The following CLVS1 variants were observed in gnomAD, a reference collection of about 807,000 sequenced individuals.
CLVS1 encodes clavesin-1.
Under a neutral mutation model 33.1 loss-of-function variants are expected in CLVS1, and 10 were observed. The ratio of observed to expected loss-of-function variants is 0.30; its 90% CI spans 0.19 to 0.51. The LOEUF (loss-of-function observed/expected upper bound fraction) is 0.51. Ranked by LOEUF, CLVS1 falls within the 20% of genes least tolerant of loss-of-function variation. CLVS1 has a pLI of 0.97. For synonymous variants in CLVS1, 163 were observed against 166.1 expected (o/e 0.98, Z 0.14); for missense variants, 343 against 433.4 (o/e 0.79, Z 1.85).
intron 2 of CLVS1, among the ~76,000 whole-genome samples, chr8:61,264,115 G>A (rs1178481629): frequency 6.6e-6 from 1 of 152,036 alleles, no homozygotes; most frequent in Non-Finnish European, 1.5e-5. Context: ...AAAATGAAGA[G>A]AACCTATAAT....
chr8:61,003,275 C>A, the CLVS1 span, among the ~76,000 whole-genome samples: 7 of 152,086 alleles, frequency 4.6e-5, no homozygotes, highest in Admixed American at 3.9e-4. Flanking sequence ...TGTTTTTTGA[C>A]TTAAAAGAAA....
intron 2 of CLVS1, among the ~76,000 whole-genome samples, chr8:61,144,210 C>A (rs367894668): frequency 6.6e-6 from 1 of 152,060 alleles, no homozygotes; most frequent in Non-Finnish European, 1.5e-5. Flanking sequence ...AGACCTCCAG[C>A]CCCCAACAGG....
At chr8:61,358,705 A>G (rs1812849532) in intron 2 of CLVS1, among the ~76,000 whole-genome samples, 1 of 152,188 alleles carries the variant, frequency 6.6e-6, no homozygotes, top group African/African-American at 2.4e-5. Flanking sequence ...GAGGCCACCC[A>G]AACAGAGTAT....
chr8:61,358,988 A>T (rs920239104), intron 2 of CLVS1, among the ~76,000 whole-genome samples: 1 of 152,212 alleles, frequency 6.6e-6, no homozygotes, highest in Non-Finnish European at 1.5e-5. Flanking sequence ...TTAAAGTTTA[A>T]TCCATTCTCA....
the CLVS1 span, among the ~76,000 whole-genome samples, chr8:60,983,935 C>T: frequency 6.6e-6 from 1 of 152,170 alleles, no homozygotes; most frequent in Admixed American, 6.5e-5. Flanking sequence ...CCTGCCCTGC[C>T]CTGAGGTTCA....
chr8:61,059,343 A>G (rs957329624), intron 1 of CLVS1, among the ~76,000 whole-genome samples: 2 of 151,388 alleles, frequency 1.3e-5, no homozygotes, highest in East Asian at 1.9e-4. Context: ...CTTTCTTGGT[A>G]TAAGTTCAAA....
intron 5 of CLVS1, among the ~76,000 whole-genome samples, chr8:61,478,515 T>C (rs1009625207): frequency 3.3e-5 from 5 of 152,238 alleles, no homozygotes; most frequent in African/African-American, 1.2e-4. Context: ...ATTGGGTACA[T>C]ATATATTTAG....
chr8:61,030,679 C>T, the CLVS1 span, among the ~76,000 whole-genome samples: 1,419 of 152,304 alleles, frequency 9.3e-3, 9 homozygotes, highest in Non-Finnish European at 0.016. Flanking sequence ...ATTTATTCAT[C>T]CAACCAGTAT....
chr8:61,004,772 T>C, the CLVS1 span, among the ~76,000 whole-genome samples: 3 of 152,198 alleles, frequency 2.0e-5, no homozygotes, highest in South Asian at 2.1e-4. Context: ...GGGAGGCCTC[T>C]GCCTGGGCCC....
intron 1 of CLVS1, among the ~76,000 whole-genome samples, chr8:61,128,719 C>T (rs769611023): frequency 6.6e-6 from 1 of 152,214 alleles, no homozygotes; most frequent in Non-Finnish European, 1.5e-5. Flanking sequence ...GATGCCTTTG[C>T]ATTTTTGCAG....
intron 2 of CLVS1, among the ~76,000 whole-genome samples, chr8:61,271,322 GT>G (rs1809433227): frequency 6.6e-6 from 1 of 151,286 alleles, no homozygotes; most frequent in African/African-American, 2.4e-5. Flanking sequence ...GAGTTGAGCG[GT>G]TTTGAGTGAG....
At chr8:61,175,151 G>A (rs1389060870) in intron 2 of CLVS1, among the ~76,000 whole-genome samples, 4 of 152,138 alleles carry the variant, frequency 2.6e-5, no homozygotes, top group Admixed American at 1.3e-4. Context: ...ATTTGCTATG[G>A]TCTGAATATT....
intron 2 of CLVS1, among the ~76,000 whole-genome samples, chr8:61,321,601 C>G (rs1324005073): frequency 6.6e-6 from 1 of 152,046 alleles, no homozygotes; most frequent in Non-Finnish European, 1.5e-5. Context: ...CATATTGCTT[C>G]GGCTGATGAC....
At chr8:61,400,273 G>A (rs887874760) in intron 3 of CLVS1, among the ~76,000 whole-genome samples, 11 of 151,874 alleles carry the variant, frequency 7.2e-5, no homozygotes, top group Non-Finnish European at 1.0e-4. Context: ...TGTATTCTTC[G>A]CATTTCATTC....
intron 2 of CLVS1, among the ~76,000 whole-genome samples, chr8:61,162,237 C>G (rs1243551011): frequency 6.6e-6 from 1 of 152,252 alleles, no homozygotes; most frequent in African/African-American, 2.4e-5. Flanking sequence ...TAGCCACAAC[C>G]AAGTGGCCTT....
chr8:61,338,725 C>G (rs1268699112), intron 2 of CLVS1, among the ~76,000 whole-genome samples: 3 of 152,186 alleles, frequency 2.0e-5, no homozygotes, highest in Non-Finnish European at 4.4e-5. Context: ...ACAGTTCTCC[C>G]ACACTGAGGT....
intron 1 of CLVS1, among the ~76,000 whole-genome samples, chr8:61,129,381 G>A (rs760439312): frequency 6.6e-6 from 1 of 152,206 alleles, no homozygotes; most frequent in Non-Finnish European, 1.5e-5. Context: ...TCTGTGTAGT[G>A]CTACCAGAGG....
At chr8:61,427,678 A>C (rs1026667656) in intron 3 of CLVS1, among the ~76,000 whole-genome samples, 1 of 152,238 alleles carries the variant, frequency 6.6e-6, no homozygotes, top group Non-Finnish European at 1.5e-5. Flanking sequence ...GAATCCTACC[A>C]GGAGGAAACT....
chr8:61,060,710 C>A (rs940457282), intron 1 of CLVS1, among the ~76,000 whole-genome samples: 1 of 152,110 alleles, frequency 6.6e-6, no homozygotes, highest in Non-Finnish European at 1.5e-5. Context: ...ATGGACTCTA[C>A]CAGACTTCAT....
Sources: gnomAD v4.1 joint callset for allele counts (sites outside exome capture counted in the v4.1 genomes callset) on GRCh38, gnomAD v4.1.1 for gene constraint, MANE v1.5 for transcripts, NCBI Gene and HGNC (gene_info 2026-07-23, HGNC 2026-07-21) for gene names.